The following DSCAM variants were observed in gnomAD, a reference collection of about 807,000 sequenced individuals.
DSCAM encodes DS cell adhesion molecule, also known as cell adhesion molecule DSCAM.
A neutral mutation model predicts 217.7 loss-of-function variants in DSCAM; 47 were observed. The observed-to-expected ratio is 0.22, with a 90% confidence interval of 0.17 to 0.28. The LOEUF (loss-of-function observed/expected upper bound fraction) is 0.28, where lower values mean the gene tolerates loss of function less well. Among genes scored for constraint, DSCAM ranks in the 10% least tolerant of loss-of-function variants. The pLI, the probability that DSCAM is intolerant of heterozygous loss-of-function variation, is 1.00. For synonymous variants in DSCAM, 1,056 were observed against 1,015.3 expected, an observed-to-expected ratio of 1.04 and a Z score of -0.76; for missense variants, 2,080 against 2,618.3, an observed-to-expected ratio of 0.79 and a Z score of 4.49.
At chr21:40,169,494 G>A (rs2837476) in intron 15 of DSCAM, among the ~76,000 whole-genome samples, 24,205 of 152,076 alleles carry the variant, frequency 0.16, 2,463 homozygotes, top group East Asian at 0.35. Flanking sequence ...GCTACTCCAA[G>A]AGGATAATGG....
chr21:40,182,020 G>A (rs2090809088), intron 14 of DSCAM, among the ~76,000 whole-genome samples: 1 of 151,702 alleles, frequency 6.6e-6, no homozygotes, highest in Admixed American at 6.6e-5. Flanking sequence ...AGACTGCGCT[G>A]GGTGCTTGCT....
At chr21:40,217,843 C>T (rs1049731889) in intron 11 of DSCAM, among the ~76,000 whole-genome samples, 1 of 152,070 alleles carries the variant, frequency 6.6e-6, no homozygotes, top group African/African-American at 2.4e-5. Flanking sequence ...GTCCTTTGCC[C>T]ACTTTTTAAT....
At chr21:40,302,537 TA>T (rs1247503336) in intron 9 of DSCAM, among the ~76,000 whole-genome samples, 6 of 152,162 alleles carry the variant, frequency 3.9e-5, no homozygotes, top group African/African-American at 1.4e-4. Context: ...GTTTTTCTGG[TA>T]GGGAGGAAGA....
At chr21:40,566,004 T>C (rs953881272) in intron 3 of DSCAM, among the ~76,000 whole-genome samples, 1 of 152,328 alleles carries the variant, frequency 6.6e-6, no homozygotes, top group South Asian at 2.1e-4. Flanking sequence ...AACTAAAACA[T>C]GACTTCTCAA....
rs73372835 is a variant in DSCAM at position 40,638,541 on chromosome 21, G to C, written c.508+54269C>G. Among the ~76,000 whole-genome samples, 748 of 152,252 alleles carry C rather than the reference G, an allele frequency of 4.9e-3. 7 individuals are homozygous for C. The highest frequency in any genetic ancestry group is 0.018 in the African/African-American group (728 of 41,526). ...GTTTATAAAATTTAAATATAAGATAGACAGTCACAATTCTGTGCAAGCAGT... is the reference window on the plus strand; with the variant it reads ...GTTTATAAAATTTAAATATAAGATACACAGTCACAATTCTGTGCAAGCAGT... On this transcript the variant is annotated intron_variant, in intron 3 of 32. Transcript: ENST00000400454.
intron 1 of DSCAM, among the ~76,000 whole-genome samples, chr21:40,765,416 T>C (rs34111579): frequency 0.31 from 47,753 of 152,076 alleles, 8,635 homozygotes; most frequent in Non-Finnish European, 0.4. Flanking sequence ...TTCCTCCAGC[T>C]CAGCATCTAA....
intron 1 of DSCAM, among the ~76,000 whole-genome samples, chr21:40,761,659 A>G (rs932734939): frequency 1.3e-5 from 2 of 152,206 alleles, no homozygotes; most frequent in African/African-American, 4.8e-5. Context: ...CTTTCTTAAC[A>G]GCCCTAACAA....
chr21:40,465,476 GGATCCA>G, intron 3 of DSCAM, among the ~76,000 whole-genome samples: 1 of 152,230 alleles, frequency 6.6e-6, no homozygotes, highest in Admixed American at 6.5e-5. Context: ...CTGTTCAAAT[GGATCCA>G]GATCAACTAC....
At chr21:40,685,117 T>C (rs758518713) in intron 3 of DSCAM, among the ~76,000 whole-genome samples, 11 of 152,232 alleles carry the variant, frequency 7.2e-5, no homozygotes, top group Non-Finnish European at 1.6e-4. Flanking sequence ...ACATAAAGCA[T>C]AGATTTTCTT....
rs2073683853 is a variant in DSCAM at position 40,276,144 on chromosome 21, T to C, written c.2309A>G (p.Asn770Ser). The change falls in exon 11 of 33, where the codon AAC (asparagine) becomes AGC (serine). Residue 770 changes from asparagine to serine, a missense_variant. By Grantham distance (46) the Asn-to-Ser change is conservative. Transcript: ENST00000400454. The part of the protein sequence containing the change: ...DSGYYLCKVS[N>S]DVGADVSKSM... ...CTTGCTGACGTCTGCGCCCACATCG[T>C]TGCTGACCTTGCAGAGGTAGTAGCC... 1.2e-6 allele frequency: 2 copies of C among 1,611,912 alleles called. No individual in the cohort carries two copies. Among genetic ancestry groups the C allele is most frequent in the Non-Finnish European group, 1.7e-6 (2 of 1,179,070 alleles).
At chr21:40,620,955 A>G (rs1266881236) in intron 3 of DSCAM, among the ~76,000 whole-genome samples, 1 of 152,144 alleles carries the variant, frequency 6.6e-6, no homozygotes. Flanking sequence ...TCTCAGATGC[A>G]TTATAAGTGA....
intron 20 of DSCAM, among the ~76,000 whole-genome samples, chr21:40,121,169 G>A (rs996327200): frequency 5.9e-5 from 9 of 152,114 alleles, no homozygotes; most frequent in Non-Finnish European, 1.3e-4. Context: ...AAATGCAAAT[G>A]CCTTGGAAAA....
At chr21:40,017,252 C>A (rs949457981) in intron 32 of DSCAM, among the ~76,000 whole-genome samples, 1 of 152,076 alleles carries the variant, frequency 6.6e-6, no homozygotes, top group Non-Finnish European at 1.5e-5. Flanking sequence ...ACAACAGGAG[C>A]AATGACCTTA....
intron 3 of DSCAM, among the ~76,000 whole-genome samples, chr21:40,669,492 T>C (rs2090244320): frequency 6.6e-6 from 1 of 152,178 alleles, no homozygotes; most frequent in Non-Finnish European, 1.5e-5. Flanking sequence ...TCCTGTAGCT[T>C]ATACACTAGT....
At chr21:40,634,670 C>T (rs1442202465) in intron 3 of DSCAM, among the ~76,000 whole-genome samples, 1 of 152,178 alleles carries the variant, frequency 6.6e-6, no homozygotes, top group Admixed American at 6.5e-5. Flanking sequence ...ATATTTGGGA[C>T]ATCCCAGGTT....
chr21:40,592,622 T>C (rs2076992042), intron 3 of DSCAM, among the ~76,000 whole-genome samples: 1 of 152,158 alleles, frequency 6.6e-6, no homozygotes, highest in Non-Finnish European at 1.5e-5. Context: ...GCCCATGCTG[T>C]TCCTTCTGGC....
At position 40,846,647 on chromosome 21, in the gene DSCAM, A is replaced by C. The variant is rs1251655213; in HGVS notation, c.15T>G (p.Ala5=). 7.6e-7 allele frequency: 1 copy of C among 1,307,196 alleles called. No individual in the cohort carries two copies. The highest frequency in any genetic ancestry group is 9.8e-7 in the Non-Finnish European group (1 of 1,020,150). The allele number at this position is 1,307,196 out of a possible 1,614,324, so 81.0% of individuals were successfully genotyped here. MWIL[A]LSLFQSFANV... Reference sequence around the variant, plus strand: ...TCGCGAAGCTCTGGAACAAGGAGAGAGCCAGTATCCACATGCCCCTGCCGC... The same window carrying C: ...TCGCGAAGCTCTGGAACAAGGAGAGCGCCAGTATCCACATGCCCCTGCCGC... The change falls in exon 1 of 33, where the codon GCT becomes GCG. Residue 5 remains alanine, a synonymous_variant. Transcript: ENST00000400454.
chr21:40,179,094 T>C lies in DSCAM; in HGVS notation c.2780A>G (p.Asp927Gly), dbSNP rs754934120. ...GGTTCTCTGAGCAGAATCCCAGGAGTCTTTTGGGTTTTGTTTTTCAAAAAA... is the reference window on the plus strand; with the variant it reads ...GGTTCTCTGAGCAGAATCCCAGGAGCCTTTTGGGTTTTGTTTTTCAAAAAA... ...GYDIECKNKS[D>G]SWDSAQRTKD... The change falls in exon 15 of 33, where the codon GAC becomes GGC. Residue 927 changes from aspartate (D) to glycine (G), a missense_variant and splice_region_variant. Asp to Gly is a moderately conservative substitution (Grantham distance 94). Coordinates refer to ENST00000400454, the MANE Select transcript of DSCAM (RefSeq NM_001389.5). 9.3e-6 allele frequency: 15 copies of C among 1,608,068 alleles called. No homozygotes were observed. The African/African-American group carries it at 1.8e-4, about 19-fold the overall frequency.
intron 3 of DSCAM, among the ~76,000 whole-genome samples, chr21:40,638,896 TAGA>T (rs72207433): frequency 0.19 from 29,227 of 152,012 alleles, 3,442 homozygotes; most frequent in South Asian, 0.25. Flanking sequence ...TTTTTAAAAA[TAGA>T]AGGAGGCCCT....
Sources: allele counts gnomAD v4.1 joint callset (sites outside exome capture counted in the v4.1 genomes callset), GRCh38; gene constraint gnomAD v4.1.1; transcripts MANE v1.5; gene names NCBI Gene and HGNC (gene_info 2026-07-23, HGNC 2026-07-21).